TENM3: variants seen among roughly 807,000 people sequenced by gnomAD.
The protein encoded by TENM3 is teneurin transmembrane protein 3.
Under a neutral mutation model 255.1 loss-of-function variants are expected in TENM3, and 63 were observed. That is an observed-to-expected ratio of 0.25 (90% CI 0.20 to 0.30). The LOEUF is 0.30. TENM3 is among the 10% of genes least tolerant of loss of function. The pLI, the probability that TENM3 is intolerant of heterozygous loss-of-function variation, is 1.00. For synonymous variants in TENM3, 1,306 were observed against 1,322.3 expected (o/e 0.99, Z 0.27); for missense variants, 2,929 against 3,461.1 (o/e 0.85, Z 3.86).
the TENM3 span, among the ~76,000 whole-genome samples, chr4:182,086,102 T>C: frequency 6.6e-6 from 1 of 152,152 alleles, no homozygotes; most frequent in East Asian, 1.9e-4. Context: ...TTGTTGGTTT[T>C]GGGGGGACTA....
the TENM3 span, among the ~76,000 whole-genome samples, chr4:181,495,490 A>T: frequency 6.6e-6 from 1 of 152,018 alleles, no homozygotes; most frequent in Non-Finnish European, 1.5e-5. Context: ...ATATAGAGTA[A>T]TTGCTTTCTT....
chr4:182,163,977 G>A (rs868667843), intron 1 of TENM3, among the ~76,000 whole-genome samples: 3 of 152,170 alleles, frequency 2.0e-5, no homozygotes, highest in Admixed American at 6.5e-5. Context: ...TAAACAGGCA[G>A]TTCACAAATA....
the TENM3 span, among the ~76,000 whole-genome samples, chr4:181,800,362 T>A: frequency 1.3e-5 from 2 of 152,160 alleles, no homozygotes; most frequent in African/African-American, 4.8e-5. Context: ...CCGGGAAAGG[T>A]GGCTCACACC....
the TENM3 span, among the ~76,000 whole-genome samples, chr4:181,677,589 C>A: frequency 6.6e-6 from 1 of 152,110 alleles, no homozygotes; most frequent in Non-Finnish European, 1.5e-5. Flanking sequence ...AACATATGTG[C>A]TTTAAGTGCC....
chr4:182,692,004 T>C (rs913001088), intron 12 of TENM3, among the ~76,000 whole-genome samples: 2 of 152,184 alleles, frequency 1.3e-5, no homozygotes, highest in Non-Finnish European at 2.9e-5. Flanking sequence ...GTAGGAAATA[T>C]GTAAAAATAT....
chr4:182,718,130 A>G (rs1759358010), intron 13 of TENM3, among the ~76,000 whole-genome samples: 1 of 152,008 alleles, frequency 6.6e-6, no homozygotes, highest in Non-Finnish European at 1.5e-5. Context: ...ACCAGGAAAG[A>G]CCCTGGTCTC....
At chr4:182,646,388 C>G (rs1405431665) in intron 5 of TENM3, among the ~76,000 whole-genome samples, 3 of 152,034 alleles carry the variant, frequency 2.0e-5, no homozygotes, top group Admixed American at 2.0e-4. Flanking sequence ...CTAATAATGC[C>G]CAGTACTCTT....
the TENM3 span, among the ~76,000 whole-genome samples, chr4:181,895,996 T>C: frequency 6.6e-6 from 1 of 152,202 alleles, no homozygotes; most frequent in Non-Finnish European, 1.5e-5. Flanking sequence ...CAGACTGACT[T>C]CCTGACATTC....
At chr4:182,389,932 G>A (rs556896068) in intron 3 of TENM3, among the ~76,000 whole-genome samples, 3 of 152,092 alleles carry the variant, frequency 2.0e-5, no homozygotes, top group South Asian at 2.1e-4. Context: ...TGATCCGCCC[G>A]CCTCAGCCTC....
Position 182,754,405 on chromosome 4 carries a change from T to G in TENM3, c.4038T>G (p.Thr1346=). The stretch of plus-strand genomic sequence containing the variant: ...TTAAGGTACGTCTGGAATGGCCCAC[T>G]GACCTAGCCATTAACCCTATGGATA... The part of the protein sequence containing the change: ...HISQVRLEWP[T]DLAINPMDNS... Residue 1346 remains threonine, a synonymous_variant, in exon 22 of 28, where the codon ACT becomes ACG. Transcript: ENST00000511685. This position sits in a 1 kb window ranked among gnomAD's most constrained non-coding sequence, Gnocchi z 5.1. The G allele has an allele frequency of 1.9e-6, 3 of 1,605,366 alleles. No individual in the cohort carries two copies. Among genetic ancestry groups the G allele is most frequent in the Non-Finnish European group, 2.6e-6 (3 of 1,175,042 alleles).
the TENM3 span, among the ~76,000 whole-genome samples, chr4:181,837,079 A>C: frequency 0.56 from 84,875 of 151,986 alleles, 25,069 homozygotes; most frequent in East Asian, 0.74. Context: ...TTAAATAATC[A>C]CTTTCTTGCA....
chr4:181,968,389 C>T, the TENM3 span, among the ~76,000 whole-genome samples: 2 of 152,184 alleles, frequency 1.3e-5, no homozygotes, highest in Non-Finnish European at 1.5e-5. Flanking sequence ...CACTGGCTCT[C>T]GCCAGGTGAG....
chr4:181,876,624 T>C, the TENM3 span, among the ~76,000 whole-genome samples: 1 of 152,188 alleles, frequency 6.6e-6, no homozygotes, highest in African/African-American at 2.4e-5. Flanking sequence ...CAATTTAAAA[T>C]GTGTAGAAAA....
At chr4:182,480,789 C>A (rs1366566847) in intron 3 of TENM3, among the ~76,000 whole-genome samples, 1 of 151,852 alleles carries the variant, frequency 6.6e-6, no homozygotes, top group Non-Finnish European at 1.5e-5. Flanking sequence ...TGTGGTGGAT[C>A]TCTAGACACA....
At chr4:182,226,899 A>G (rs1756195557) in intron 1 of TENM3, among the ~76,000 whole-genome samples, 1 of 152,128 alleles carries the variant, frequency 6.6e-6, no homozygotes, top group Non-Finnish European at 1.5e-5. Context: ...ATATAGTATG[A>G]CTGGGTATGG....
At chr4:181,893,438 A>G in the TENM3 span, among the ~76,000 whole-genome samples, 1 of 151,224 alleles carries the variant, frequency 6.6e-6, no homozygotes, top group Non-Finnish European at 1.5e-5. Context: ...GTCATCTAAG[A>G]CACATTTCAA....
At chr4:181,556,255 C>T in the TENM3 span, among the ~76,000 whole-genome samples, 25 of 152,046 alleles carry the variant, frequency 1.6e-4, no homozygotes, top group Non-Finnish European at 2.9e-4. Flanking sequence ...ATCTTCAGTA[C>T]CTGACAGAAT....
At chr4:181,985,549 A>G in the TENM3 span, among the ~76,000 whole-genome samples, 10 of 152,148 alleles carry the variant, frequency 6.6e-5, no homozygotes, top group Non-Finnish European at 1.3e-4. Context: ...ATGATATACT[A>G]AGTGCTGAAT....
the TENM3 span, among the ~76,000 whole-genome samples, chr4:181,856,699 G>A: frequency 6.6e-6 from 1 of 152,198 alleles, no homozygotes; most frequent in Non-Finnish European, 1.5e-5. Flanking sequence ...AGTCCTGTGT[G>A]ATTCCCTGGG....
Sources: allele counts gnomAD v4.1 joint callset (sites outside exome capture counted in the v4.1 genomes callset), GRCh38; gene constraint gnomAD v4.1.1; non-coding constraint Gnocchi (gnomAD v3.1); transcripts MANE v1.5; gene names NCBI Gene and HGNC (gene_info 2026-07-23, HGNC 2026-07-21).